The following ELN variants were observed in gnomAD, a reference collection of about 807,000 sequenced individuals.
The protein encoded by ELN is tropoelastin.
Under a neutral mutation model 105.8 loss-of-function variants are expected in ELN, and 65 were observed. That is an observed-to-expected ratio of 0.61 (90% CI 0.50 to 0.75). The LOEUF (loss-of-function observed/expected upper bound fraction) is 0.75. Ranked by LOEUF, ELN falls within the 30% of genes least tolerant of loss-of-function variation. The pLI is 0.00. For synonymous variants in ELN, 368 were observed against 389.2 expected (o/e 0.95, Z 0.64); for missense variants, 882 against 969.4 (o/e 0.91, Z 1.20).
intron 31 of ELN, 58 bp downstream of exon 31, chr7:74,066,055 C>G: frequency 1.2e-6 from 2 of 1,609,070 alleles, no homozygotes; most frequent in Non-Finnish European, 1.7e-6. Context: ...TAGAGGGGGC[C>G]TGTCCATCTA....
Position 74,043,131 on chromosome 7 carries a change from T to A in ELN, c.390T>A (p.Pro130=). The A allele has an allele frequency of 6.2e-7, 1 of 1,612,652 alleles. No homozygotes were observed. Among genetic ancestry groups the A allele is most frequent in the Non-Finnish European group, 8.5e-7 (1 of 1,179,348 alleles). The change falls in exon 8 of 33, where the codon CCT becomes CCA. Residue 130 remains proline (P), a synonymous_variant. Coordinates refer to ENST00000252034, the MANE Select transcript of ELN (RefSeq NM_000501.4). ...GLGVSAGAVV[P]QPGAGVKPGK... Reference sequence around the variant, plus strand: ...CTTCTGTGCCAGGTGCGGTGGTTCCTCAGCCTGGAGCCGGAGTGAAGCCTG... The same window carrying A: ...CTTCTGTGCCAGGTGCGGTGGTTCCACAGCCTGGAGCCGGAGTGAAGCCTG...
At chr7:74,066,614 G>C in intron 31 of ELN, 118 bp from the exon 32 acceptor site, 1 of 827,174 alleles carries the variant, frequency 1.2e-6, no homozygotes, top group Non-Finnish European at 2.1e-6. Context: ...TAGTGGGGGG[G>C]ATGGAGAGGA....
Position 74,069,373 on chromosome 7 carries a change from T to A in ELN, c.*673T>A, listed in dbSNP as rs577916788. On this transcript the variant is annotated 3_prime_UTR_variant, in exon 33 of 33. Transcript: ENST00000252034. ...ATTCATCCATCGGTCCGTCCATCCA[T>A]GTCCCCAGTTGACCGCCCGGCACCA... 1 of 235,726 alleles carries A rather than the reference T, an allele frequency of 4.2e-6. No individual in the cohort carries two copies. The highest frequency in any genetic ancestry group is 6.0e-5 in the East Asian group (1 of 16,612). 14.6% of individuals were successfully genotyped at this position (235,726 alleles called of 1,614,324 possible).
chr7:74,061,442 G>A (rs781844521), intron 26 of ELN, among the ~76,000 whole-genome samples: 5 of 144,714 alleles, frequency 3.5e-5, no homozygotes, highest in Non-Finnish European at 7.6e-5. Context: ...AACTGAGGTC[G>A]GGGGTTCCAG....
intron 9 of ELN, 65 bp downstream of exon 9, chr7:74,043,985 C>A (rs1554670490): frequency 1.3e-6 from 2 of 1,591,110 alleles, no homozygotes; most frequent in African/African-American, 1.3e-5. Flanking sequence ...GTGGCTCATG[C>A]CTATAATCCC....
intron 8 of ELN, chr7:74,043,644 C>T: frequency 1.5e-6 from 1 of 647,272 alleles, no homozygotes; most frequent in Middle Eastern, 2.5e-4. Context: ...GCTGGCCCAG[C>T]CATGTAAACA....
At chr7:74,061,720 G>A (rs1796717184) in intron 26 of ELN, among the ~76,000 whole-genome samples, 1 of 152,098 alleles carries the variant, frequency 6.6e-6, no homozygotes, top group African/African-American at 2.4e-5. Context: ...TTAAAAACCT[G>A]GCCCCTGCCC....
At chr7:74,062,979 TG>T (rs1797023820) in intron 26 of ELN, among the ~76,000 whole-genome samples, 173 bp from the exon 27 acceptor site, 1 of 152,018 alleles carries the variant, frequency 6.6e-6, no homozygotes, top group Non-Finnish European at 1.5e-5. Flanking sequence ...CCAGCCGGGG[TG>T]ACAGAGCAAA....
At chr7:74,043,657 C>A in intron 8 of ELN, 2 of 660,736 alleles carry the variant, frequency 3.0e-6, no homozygotes, top group South Asian at 1.8e-5. Context: ...TGTAAACAGG[C>A]TCCAGGAGAC....
chr7:74,064,423 A>AT (rs1554687739), intron 29 of ELN, among the ~76,000 whole-genome samples: 12,518 of 132,900 alleles, frequency 0.094, 614 homozygotes, highest in African/African-American at 0.12. Context: ...TCAAAAAAAA[A>AT]ATATATATAT....
intron 31 of ELN, 125 bp from the exon 32 acceptor site, chr7:74,066,607 T>G: frequency 1.3e-6 from 1 of 743,970 alleles, no homozygotes. Flanking sequence ...AATTATATAG[T>G]GGGGGGGATG....
In ELN at chr7:74,066,620, G is replaced by A. The variant is rs1433593119; in HGVS notation, c.2087-112G>A. On this transcript the variant is annotated intron_variant, in intron 31 of 32. Coordinates refer to ENST00000252034, the MANE Select transcript of ELN (RefSeq NM_000501.4). Reference sequence around the variant, plus strand: ...AAAATTATATAGTGGGGGGGATGGAGAGGAGGTGATCCCAGACAGAGGTCT... The same window carrying A: ...AAAATTATATAGTGGGGGGGATGGAAAGGAGGTGATCCCAGACAGAGGTCT... 4 of 910,128 alleles carry A rather than the reference G, an allele frequency of 4.4e-6. No homozygotes were observed. The African/African-American group carries it at 4.9e-5, about 11-fold the overall frequency. 56.4% of individuals were successfully genotyped at this position (910,128 alleles called of 1,614,324 possible).
chr7:74,043,737 C>A, intron 8 of ELN, 142 bp from the exon 9 acceptor site: 1 of 1,057,930 alleles, frequency 9.5e-7, no homozygotes, highest in Non-Finnish European at 1.4e-6. Context: ...GTTGTGGCCA[C>A]CCCACGTCTG....
Position 74,036,543 on chromosome 7 carries a change from C to T in ELN, c.134-12C>T. 2 of 1,614,058 alleles carry T rather than the reference C, an allele frequency of 1.2e-6. No individual in the cohort carries two copies. Among genetic ancestry groups the T allele is most frequent in the Non-Finnish European group, 8.5e-7 (1 of 1,180,032 alleles). On this transcript the variant is annotated splice_polypyrimidine_tract_variant and intron_variant, in intron 2 of 32. Coordinates refer to ENST00000252034, the MANE Select transcript of ELN (RefSeq NM_000501.4). ...ACCGATGATCTCTCTTTCTCTTTCT[C>T]TCCCCCCACAGGGGCTGGTCTCGGA...
intron 1 of ELN, 100 bp downstream of exon 1, chr7:74,028,369 C>A (rs1274290842): frequency 1.5e-6 from 2 of 1,369,962 alleles, no homozygotes; most frequent in Non-Finnish European, 2.0e-6. Context: ...TCCCTGGGAA[C>A]TGCAAGGGGT....
chr7:74,059,244 G>C (rs1796056060), intron 22 of ELN, among the ~76,000 whole-genome samples: 1 of 152,138 alleles, frequency 6.6e-6, no homozygotes, highest in Non-Finnish European at 1.5e-5. Flanking sequence ...CAGAGCTTAA[G>C]TAACTTGCCT....
In ELN at chr7:74,063,721, G is replaced by A. The variant is rs1797242059; in HGVS notation, c.1993+26G>A. 6.2e-7 allele frequency: 1 copy of A among 1,613,842 alleles called. No homozygotes were observed. The highest frequency in any genetic ancestry group is 8.5e-7 in the Non-Finnish European group (1 of 1,179,736). On this transcript the variant is annotated intron_variant, in intron 29 of 32. Coordinates refer to ENST00000252034, the MANE Select transcript of ELN (RefSeq NM_000501.4). The surrounding 1 kb of genome is among the most constrained non-coding windows in gnomAD (Gnocchi z 4.1). Reference sequence around the variant, plus strand: ...GTGAGAGTTGTTCTGAAATCAGTGAGTGTGTGTGGTGTGTGTATGCGAGAC... The same window carrying A: ...GTGAGAGTTGTTCTGAAATCAGTGAATGTGTGTGGTGTGTGTATGCGAGAC...
At chr7:74,044,056 G>A in intron 9 of ELN, 136 bp downstream of exon 9, 2 of 1,202,288 alleles carry the variant, frequency 1.7e-6, no homozygotes, top group African/African-American at 1.5e-5. Context: ...GACCAGCCTG[G>A]GCATCATAGT....
At chr7:74,049,207 A>C (rs1182901939) in intron 15 of ELN, among the ~76,000 whole-genome samples, 107 of 99,022 alleles carry the variant, frequency 1.1e-3, no homozygotes, top group African/African-American at 1.5e-3. Context: ...ATCCATCACT[A>C]CCTCCCTCCA....
Sources: gnomAD v4.1 joint callset for allele counts (sites outside exome capture counted in the v4.1 genomes callset) on GRCh38, gnomAD v4.1.1 for gene constraint, Gnocchi (gnomAD v3.1) non-coding constraint, MANE v1.5 for transcripts, NCBI Gene and HGNC (gene_info 2026-07-23, HGNC 2026-07-21) for gene names.